NRAP: variants seen among roughly 807,000 people sequenced by gnomAD.
NRAP encodes nebulin related anchoring protein.
NRAP carries 189 observed loss-of-function variants against 225.9 expected under a neutral mutation model. The ratio of observed to expected loss-of-function variants is 0.84; its 90% confidence interval spans 0.74 to 0.94. The LOEUF is 0.94. Ranked by LOEUF, NRAP falls within the 40% of genes least tolerant of loss-of-function variation. The probability of loss-of-function intolerance (pLI) is 0.00; values close to 1 mark genes in which losing one functional copy is unlikely to be tolerated. For missense variants in NRAP, 2,176 were observed against 2,168.7 expected (o/e 1.00, Z -0.07); for synonymous variants, 769 against 790.7 (o/e 0.97, Z 0.46).
chr10:113,625,413 T>C (rs1015921007), intron 21 of NRAP, among the ~76,000 whole-genome samples: 10 of 152,210 alleles, frequency 6.6e-5, no homozygotes, highest in African/African-American at 2.2e-4. Flanking sequence ...GGCAAACTTA[T>C]CACTCTTCTC....
chr10:113,657,532 GA>G lies in NRAP; in HGVS notation c.297del (p.His100ThrfsTer4). ...QEDGEQCKSV[F>X]HWDMKSKDKE... Reference sequence around the variant, plus strand: ...TTATCCTTGGATTTCATGTCCCAGTGAAAAACTGATTTACACTGTTCACCAT... The same window carrying G: ...TTATCCTTGGATTTCATGTCCCAGTGAAAACTGATTTACACTGTTCACCAT... On this transcript the variant is annotated frameshift_variant, in exon 4 of 42. Coordinates refer to ENST00000359988, the MANE Select transcript of NRAP (RefSeq NM_198060.4). LOFTEE classifies it high-confidence loss of function. 6.2e-7 allele frequency: 1 copy of G among 1,604,570 alleles called. No individual in the cohort carries two copies.
chr10:113,621,340 C>CAA (rs1847975474), intron 24 of NRAP, among the ~76,000 whole-genome samples: 1 of 148,054 alleles, frequency 6.8e-6, no homozygotes, highest in African/African-American at 2.5e-5. Context: ...CACACACACA[C>CAA]AACCTTCCTG....
intron 35 of NRAP, 144 bp from the exon 36 acceptor site, chr10:113,598,217 T>A: frequency 1.5e-6 from 1 of 668,966 alleles, no homozygotes; most frequent in Non-Finnish European, 2.8e-6. Flanking sequence ...ACATTCTGCA[T>A]GTCGTCAAGT....
chr10:113,593,028 C>A (rs1338798507), intron 38 of NRAP, among the ~76,000 whole-genome samples: 1 of 152,122 alleles, frequency 6.6e-6, no homozygotes, highest in Non-Finnish European at 1.5e-5. Context: ...GCATCAAAAT[C>A]TTCTGTGCCT....
intron 9 of NRAP, 84 bp downstream of exon 9, chr10:113,649,953 T>C: frequency 1.3e-6 from 1 of 784,694 alleles, no homozygotes; most frequent in Non-Finnish European, 2.2e-6. Context: ...GCCCCACCCC[T>C]GATTAAATTG....
At chr10:113,624,333 A>T (rs1592791796) in intron 22 of NRAP, among the ~76,000 whole-genome samples, 1 of 152,182 alleles carries the variant, frequency 6.6e-6, no homozygotes, top group Non-Finnish European at 1.5e-5. Context: ...ACCACTGTGC[A>T]CTTGCCTCTG....
chr10:113,636,063 A>G (rs560065384), intron 14 of NRAP, among the ~76,000 whole-genome samples: 2 of 152,360 alleles, frequency 1.3e-5, no homozygotes, highest in South Asian at 4.1e-4. Context: ...TCAAAGCGAC[A>G]GGATCACCAC....
Position 113,598,070 on chromosome 10 carries a change from G to T in NRAP, c.4231C>A (p.Arg1411Ser), listed in dbSNP as rs777292364. ...KKAHALQSEL[R>S]YKSDLIGMKG... ...ATGCCGATCAGGTCTGACTTGTAGC[G>T]CAACTGCAGGGAAAAAAATCATGGG... The change falls in exon 36 of 42, where the codon CGC (arginine) becomes AGC (serine). Residue 1411 changes from arginine to serine, a missense_variant. Around this residue, in one of 3 missense-constraint regions of NRAP, gnomAD observed 445 missense variants for 426.1 expected, o/e 1.04. Coordinates refer to ENST00000359988, the MANE Select transcript of NRAP (RefSeq NM_198060.4). 1.9e-6 allele frequency: 3 copies of T among 1,608,014 alleles called. No homozygotes were observed. Among genetic ancestry groups the T allele is most frequent in the South Asian group, 1.1e-5 (1 of 90,910 alleles).
At chr10:113,597,603 A>G (rs940429629) in intron 36 of NRAP, among the ~76,000 whole-genome samples, 1 of 152,206 alleles carries the variant, frequency 6.6e-6, no homozygotes, top group Admixed American at 6.5e-5. Context: ...TAATGTAACT[A>G]TTCCTGTGCA....
chr10:113,652,040 G>T (rs1850008732), intron 6 of NRAP, 133 bp from the exon 7 acceptor site: 5 of 683,994 alleles, frequency 7.3e-6, no homozygotes, highest in South Asian at 1.6e-5. Flanking sequence ...TCTGTGGCTT[G>T]TTTCATGGGC....
At position 113,595,664 on chromosome 10, in the gene NRAP, C is replaced by T. The variant is rs779948295; in HGVS notation, c.4495G>A (p.Asp1499Asn). 32 of 1,613,840 alleles carry T rather than the reference C, an allele frequency of 2.0e-5. No individual in the cohort carries two copies. The highest frequency in any genetic ancestry group is 6.7e-5 in the Admixed American group (4 of 60,012). The change falls in exon 38 of 42, where the codon GAT becomes AAT. Residue 1499 changes from aspartate to asparagine, a missense_variant. Transcript: ENST00000359988. ...HRYTLIPDHP[D>N]FTRARLNALH... ...GCATTGAGGCGAGCTCGGGTGAAAT[C>T]GGGATGGTCGGGGATCAGGGTGTAT...
chr10:113,600,529 G>A (rs985134877), intron 35 of NRAP, among the ~76,000 whole-genome samples: 1 of 152,162 alleles, frequency 6.6e-6, no homozygotes, highest in Non-Finnish European at 1.5e-5. Flanking sequence ...TCAAATGATT[G>A]TTCAGACTCT....
chr10:113,607,073 C>T (rs1422245105), intron 32 of NRAP, among the ~76,000 whole-genome samples: 6 of 151,912 alleles, frequency 3.9e-5, no homozygotes, highest in African/African-American at 7.3e-5. Context: ...TGGTGGCGGG[C>T]GTCTGTAATC....
intron 39 of NRAP, among the ~76,000 whole-genome samples, chr10:113,591,687 T>G (rs1390002692): frequency 6.6e-6 from 1 of 152,256 alleles, no homozygotes; most frequent in African/African-American, 2.4e-5. Context: ...TATACGATTT[T>G]GTTTTCATTC....
In NRAP at chr10:113,663,840, G is replaced by A; in HGVS notation, c.43C>T (p.Pro15Ser). 6.2e-7 allele frequency: 1 copy of A among 1,613,800 alleles called. No individual in the cohort carries two copies. Among genetic ancestry groups the A allele is most frequent in the Non-Finnish European group, 8.5e-7 (1 of 1,179,776 alleles). Reference protein sequence around the residue: ...PCSRCGYGVYPAEKISCIDQI... With the variant: ...PCSRCGYGVYSAEKISCIDQI... ...TCTATACAGCTGATCTTCTCGGCAG[G>A]ATAAACCCCATACCCACACCTAGAA... The change falls in exon 1 of 42, where the codon CCT (proline) becomes TCT (serine). Residue 15 changes from proline (P) to serine (S), a missense_variant. Pro to Ser is a moderately conservative substitution (Grantham distance 74). Transcript: ENST00000359988.
chr10:113,608,961 C>T (rs750426127), intron 31 of NRAP, among the ~76,000 whole-genome samples: 4 of 152,146 alleles, frequency 2.6e-5, no homozygotes, highest in Admixed American at 6.5e-5. Context: ...GAGTTCGAGA[C>T]CATCCAGGCC....
At chr10:113,623,236 ATG>A (rs1484055806) in intron 23 of NRAP, among the ~76,000 whole-genome samples, 2 of 152,220 alleles carry the variant, frequency 1.3e-5, no homozygotes, top group Admixed American at 6.5e-5. Flanking sequence ...AAGTCATGGA[ATG>A]TCTCTGGGCA....
intron 3 of NRAP, among the ~76,000 whole-genome samples, chr10:113,662,056 A>G (rs1289023075): frequency 1.3e-5 from 2 of 152,178 alleles, no homozygotes; most frequent in African/African-American, 4.8e-5. Context: ...TTATACTGAA[A>G]TCAAGGACCT....
chr10:113,634,114 G>A lies in NRAP; in HGVS notation c.1525C>T (p.His509Tyr), dbSNP rs768948579. 7 of 1,609,534 alleles carry A rather than the reference G, an allele frequency of 4.3e-6. No homozygotes were observed. The African/African-American group carries it at 8.0e-5, about 18-fold the overall frequency. Residue 509 changes from histidine (H) to tyrosine (Y), a missense_variant and splice_region_variant, in exon 15 of 42, where the codon CAT (histidine) becomes TAT (tyrosine). Transcript: ENST00000359988. ...GCTGGGCAGGGACAGTTACTTACATGACTCAGCTGCTGGGCATTGATTTTG... is the reference window on the plus strand; with the variant it reads ...GCTGGGCAGGGACAGTTACTTACATAACTCAGCTGCTGGGCATTGATTTTG... ...QAKINAQQLSHVNYRADYEKN... is the reference protein window; with the variant it reads ...QAKINAQQLSYVNYRADYEKN...
Sources: allele counts gnomAD v4.1 joint callset (sites outside exome capture counted in the v4.1 genomes callset), GRCh38; gene constraint gnomAD v4.1.1; regional missense constraint gnomAD v4.1.1; transcripts MANE v1.5; gene names NCBI Gene and HGNC (gene_info 2026-07-23, HGNC 2026-07-21).